WWOX: variants seen among roughly 807,000 people sequenced by gnomAD.
The protein encoded by WWOX is WW domain containing oxidoreductase.
Under a neutral mutation model 46.2 loss-of-function variants are expected in WWOX, and 69 were observed. That is an observed-to-expected ratio of 1.49 (90% CI 1.23 to 1.82). The LOEUF is 1.82. Ranked by LOEUF, WWOX falls within the 40% of genes most tolerant of loss-of-function variation. The pLI is 0.00. For synonymous variants in WWOX, 359 were observed against 202.6 expected, an observed-to-expected ratio of 1.77 and a Z score of -6.56; for missense variants, 919 against 542.6, an observed-to-expected ratio of 1.69 and a Z score of -6.89.
intron 5 of WWOX, among the ~76,000 whole-genome samples, chr16:78,198,356 G>A (rs1302440763): frequency 6.6e-6 from 1 of 152,152 alleles, no homozygotes. Context: ...CGATACACAT[G>A]CAAGGTAATA....
At chr16:78,136,072 A>G (rs78253024) in intron 4 of WWOX, among the ~76,000 whole-genome samples, 3,075 of 152,068 alleles carry the variant, frequency 0.02, 114 homozygotes, top group African/African-American at 0.071. Flanking sequence ...TGATGAATCT[A>G]TTTATTACTT....
intron 8 of WWOX, among the ~76,000 whole-genome samples, chr16:78,481,731 G>GTGTGTT (rs1340929230): frequency 1.5e-5 from 2 of 133,036 alleles, no homozygotes; most frequent in Non-Finnish European, 3.0e-5. Context: ...GGAAGTGTGT[G>GTGTGTT]TGTGTGTGTG....
At chr16:79,179,402 G>T (rs1369772574) in intron 8 of WWOX, among the ~76,000 whole-genome samples, 1 of 152,188 alleles carries the variant, frequency 6.6e-6, no homozygotes, top group Non-Finnish European at 1.5e-5. Context: ...ACCCTCCCCA[G>T]CAGTAATGCC....
intron 8 of WWOX, among the ~76,000 whole-genome samples, chr16:78,730,289 C>G (rs1368780751): frequency 6.6e-6 from 1 of 151,748 alleles, no homozygotes; most frequent in Non-Finnish European, 1.5e-5. Flanking sequence ...TCCTTTTTTC[C>G]TCCTTCCTTG....
At chr16:78,609,249 A>C (rs1167875690) in intron 8 of WWOX, among the ~76,000 whole-genome samples, 1 of 152,204 alleles carries the variant, frequency 6.6e-6, no homozygotes, top group Non-Finnish European at 1.5e-5. Context: ...TGCATCTTGA[A>C]AGTAAAACTG....
At chr16:78,101,401 C>T (rs934202940) in intron 1 of WWOX, among the ~76,000 whole-genome samples, 67 of 140,640 alleles carry the variant, frequency 4.8e-4, no homozygotes, top group African/African-American at 1.7e-3. Flanking sequence ...AACTGGAGTG[C>T]CGTGGTGCGA....
chr16:78,236,794 C>T (rs990785663), intron 5 of WWOX, among the ~76,000 whole-genome samples: 7 of 152,012 alleles, frequency 4.6e-5, no homozygotes, highest in African/African-American at 1.2e-4. Flanking sequence ...TGTGTTCCTA[C>T]GGCTGGGCCC....
At chr16:78,619,171 A>G (rs190975579) in intron 8 of WWOX, among the ~76,000 whole-genome samples, 1 of 9,452 alleles carries the variant, frequency 1.1e-4, no homozygotes, top group Non-Finnish European at 1.9e-4. Flanking sequence ...ATATATATAT[A>G]TATATATATA....
intron 8 of WWOX, among the ~76,000 whole-genome samples, chr16:79,156,373 C>T (rs2050381829): frequency 6.6e-6 from 1 of 152,198 alleles, no homozygotes; most frequent in Non-Finnish European, 1.5e-5. Flanking sequence ...GCTGCTCAAG[C>T]TATTCTCGAA....
chr16:79,082,242 G>A (rs529015816), intron 8 of WWOX, among the ~76,000 whole-genome samples: 22 of 152,290 alleles, frequency 1.4e-4, no homozygotes, highest in African/African-American at 5.1e-4. Flanking sequence ...GTCGCCTTGG[G>A]AAACAGAGGC....
intron 4 of WWOX, chr16:78,123,445 T>TTG (rs2033208836): frequency 1.9e-5 from 1 of 51,480 alleles, no homozygotes; most frequent in African/African-American, 9.3e-5. Context: ...GTTTTGTTTT[T>TTG]TTTTTTTTTG....
At chr16:78,161,527 C>T (rs1035606573) in intron 4 of WWOX, among the ~76,000 whole-genome samples, 6 of 151,900 alleles carry the variant, frequency 3.9e-5, no homozygotes, top group African/African-American at 1.5e-4. Context: ...GCTGACTGTG[C>T]CCTTGAACTC....
chr16:78,176,883 C>T (rs193189885), intron 5 of WWOX, among the ~76,000 whole-genome samples: 3 of 152,204 alleles, frequency 2.0e-5, no homozygotes, highest in Admixed American at 6.5e-5. Flanking sequence ...CAGTGGTCTC[C>T]GTGGTGTTTC....
intron 8 of WWOX, among the ~76,000 whole-genome samples, chr16:79,158,790 C>T (rs1400569256): frequency 6.6e-6 from 1 of 152,204 alleles, no homozygotes; most frequent in South Asian, 2.1e-4. Context: ...CAGCACTGTG[C>T]TTCTCACTCT....
Position 78,394,849 on chromosome 16 carries a change from G to A in WWOX, c.605+7901G>A, listed in dbSNP as rs200244878. On this transcript the variant is annotated intron_variant, in intron 6 of 8. Coordinates refer to ENST00000566780, the MANE Select transcript of WWOX (RefSeq NM_016373.4). The stretch of plus-strand genomic sequence containing the variant: ...AACAACCTGTATGCCCTGGAGTAGT[G>A]TAAAGAACGTGGGTGTTGGGGGTCA... Among the ~76,000 whole-genome samples, 11 of 152,338 alleles carry A rather than the reference G, an allele frequency of 7.2e-5. No individual in the cohort carries two copies. The East Asian group carries it at 1.9e-3, about 27-fold the overall frequency.
At chr16:78,589,983 G>T (rs540466962) in intron 8 of WWOX, among the ~76,000 whole-genome samples, 4 of 152,198 alleles carry the variant, frequency 2.6e-5, no homozygotes, top group African/African-American at 4.8e-5. Flanking sequence ...TTACCTGAAG[G>T]CTATGGTCAC....
intron 8 of WWOX, among the ~76,000 whole-genome samples, chr16:78,786,472 G>A (rs1203906973): frequency 6.6e-6 from 1 of 152,138 alleles, no homozygotes; most frequent in Non-Finnish European, 1.5e-5. Flanking sequence ...GAAGTCATGA[G>A]TTTTGAGTAC....
intron 5 of WWOX, among the ~76,000 whole-genome samples, chr16:78,230,326 C>G (rs2037216028): frequency 6.6e-6 from 1 of 152,130 alleles, no homozygotes; most frequent in Non-Finnish European, 1.5e-5. Context: ...AAAGGCCAGG[C>G]CTAGTATTTC....
At chr16:78,820,329 C>G (rs894673464) in intron 8 of WWOX, among the ~76,000 whole-genome samples, 2 of 152,210 alleles carry the variant, frequency 1.3e-5, no homozygotes, top group Non-Finnish European at 2.9e-5. Flanking sequence ...GTTGCATGCC[C>G]TCCAACAGTG....
Sources: gnomAD v4.1 joint callset for allele counts (sites outside exome capture counted in the v4.1 genomes callset) on GRCh38, gnomAD v4.1.1 for gene constraint, MANE v1.5 for transcripts, NCBI Gene and HGNC (gene_info 2026-07-23, HGNC 2026-07-21) for gene names.